CCDC102B: variants seen among roughly 807,000 people sequenced by gnomAD.
CCDC102B encodes the protein coiled-coil domain containing 102B.
Under a neutral mutation model 57.4 loss-of-function variants are expected in CCDC102B, and 75 were observed. The observed-to-expected ratio is 1.31, with a 90% CI of 1.08 to 1.58. The LOEUF (loss-of-function observed/expected upper bound fraction) is 1.58, where lower values mean the gene tolerates loss of function less well. CCDC102B is among the 40% of genes most tolerant of loss of function. The pLI, the probability that CCDC102B is intolerant of heterozygous loss-of-function variation, is 0.00. For missense variants in CCDC102B, 636 were observed against 582.6 expected (o/e 1.09, Z -0.94); for synonymous variants, 206 against 201.9 (o/e 1.02, Z -0.17).
intron 6 of CCDC102B, among the ~76,000 whole-genome samples, chr18:68,925,928 A>ACAC (rs1466331838): frequency 2.7e-4 from 41 of 152,024 alleles, no homozygotes; most frequent in Middle Eastern, 3.4e-3. Flanking sequence ...AAACAATAAA[A>ACAC]CAACCTCTTA....
chr18:68,944,225 G>C (rs1356870163), intron 6 of CCDC102B, among the ~76,000 whole-genome samples: 1 of 152,064 alleles, frequency 6.6e-6, no homozygotes, highest in East Asian at 1.9e-4. Flanking sequence ...CCAAGAGAAA[G>C]TCTTATTCCT....
chr18:68,949,513 A>C (rs2049634711), intron 6 of CCDC102B, among the ~76,000 whole-genome samples: 1 of 152,122 alleles, frequency 6.6e-6, no homozygotes, highest in Non-Finnish European at 1.5e-5. Context: ...ACATGGTATA[A>C]TGTATATTTC....
chr18:68,814,963 T>G (rs1026820499), intron 1 of CCDC102B, among the ~76,000 whole-genome samples: 2 of 152,100 alleles, frequency 1.3e-5, no homozygotes, highest in African/African-American at 4.8e-5. Context: ...TCCACTAGTA[T>G]TTGCCAGTAA....
At chr18:68,894,368 TTC>T (rs2040174371) in intron 5 of CCDC102B, among the ~76,000 whole-genome samples, 1 of 152,062 alleles carries the variant, frequency 6.6e-6, no homozygotes. Flanking sequence ...TTTCAGTAAT[TTC>T]TGCATTATCT....
At chr18:69,010,098 ATTTT>A (rs71717825) in intron 6 of CCDC102B, among the ~76,000 whole-genome samples, 2 of 54,948 alleles carry the variant, frequency 3.6e-5, no homozygotes, top group East Asian at 4.9e-4. Context: ...TGCCCGGCTA[ATTTT>A]TTTTTTTTTT....
At chr18:68,925,709 T>C (rs2041453528) in intron 6 of CCDC102B, among the ~76,000 whole-genome samples, 1 of 151,892 alleles carries the variant, frequency 6.6e-6, no homozygotes, top group Non-Finnish European at 1.5e-5. Context: ...TTTTTAAAAG[T>C]GGAAGATGTT....
rs867403070 is a variant in CCDC102B, at chr18:68,854,928, A to T, written c.936+8507A>T. Among the ~76,000 whole-genome samples, 4 of 152,214 alleles carry T rather than the reference A, an allele frequency of 2.6e-5. No homozygotes were observed. The South Asian group carries it at 8.3e-4, about 32-fold the overall frequency. The stretch of plus-strand genomic sequence containing the variant: ...CTTTGTGTTTGCATTGTTCACACGA[A>T]AAGACACAAAGTCCCTAAAAAGGAA... On this transcript the variant is annotated intron_variant, in intron 4 of 7. Coordinates refer to ENST00000360242, the MANE Select transcript of CCDC102B (RefSeq NM_024781.3).
intron 2 of CCDC102B, among the ~76,000 whole-genome samples, chr18:68,752,977 G>A (rs1319735993): frequency 6.6e-6 from 1 of 151,942 alleles, no homozygotes; most frequent in Non-Finnish European, 1.5e-5. Context: ...ACCCTAACGA[G>A]ACTAATTTAA....
intron 2 of CCDC102B, among the ~76,000 whole-genome samples, chr18:68,717,795 C>G (rs1037754208): frequency 2.6e-4 from 39 of 152,010 alleles, no homozygotes; most frequent in Admixed American, 2.5e-3. Flanking sequence ...ATATATATAC[C>G]TTGTATATTT....
intron 6 of CCDC102B, among the ~76,000 whole-genome samples, chr18:68,912,422 C>T (rs565013013): frequency 1.3e-5 from 2 of 152,308 alleles, no homozygotes; most frequent in Admixed American, 1.3e-4. Flanking sequence ...AAACCAGCAA[C>T]ATTAGCAAAT....
intron 2 of CCDC102B, among the ~76,000 whole-genome samples, chr18:68,788,242 C>T (rs1371721902): frequency 2.0e-5 from 3 of 152,114 alleles, no homozygotes; most frequent in Non-Finnish European, 4.4e-5. Context: ...GAGAGCTTTA[C>T]TTCCAAGTAT....
At position 68,910,912 on chromosome 18, in the gene CCDC102B, C is replaced by T. The variant is rs544195744; in HGVS notation, c.1263+13484C>T. On this transcript the variant is annotated intron_variant, in intron 6 of 7. Transcript: ENST00000360242. ...AAATTAGCCCTGGGAATGGCTGTTA[C>T]TAAAAAGGGGGAAAAAAAAAAAACA... 2.4e-3 allele frequency among the ~76,000 whole-genome samples: 133 copies of T among 55,872 alleles called. 1 individual carries two copies. The highest frequency in any genetic ancestry group is 7.4e-3 in the African/African-American group (111 of 14,998). The allele number at this position is 55,872 out of a possible 152,430, so 36.7% of individuals were successfully genotyped here.
chr18:69,006,416 T>C (rs867595506), intron 6 of CCDC102B, among the ~76,000 whole-genome samples: 5,057 of 140,686 alleles, frequency 0.036, 114 homozygotes, highest in Middle Eastern at 0.057. Flanking sequence ...TTTATTTATT[T>C]ATTTATTTAT....
chr18:68,755,427 A>C (rs1394879424), intron 2 of CCDC102B, among the ~76,000 whole-genome samples: 1 of 152,160 alleles, frequency 6.6e-6, no homozygotes, highest in Admixed American at 6.6e-5. Flanking sequence ...ATCTATGAAA[A>C]ATTCCATGCT....
At chr18:68,889,904 A>G (rs578240965) in intron 5 of CCDC102B, among the ~76,000 whole-genome samples, 48 of 152,188 alleles carry the variant, frequency 3.2e-4, no homozygotes, top group Non-Finnish European at 1.2e-4. Context: ...TGCATAAATC[A>G]ATGAGTGCTT....
At chr18:68,833,915 T>G (rs1453529085) in intron 1 of CCDC102B, among the ~76,000 whole-genome samples, 1 of 152,114 alleles carries the variant, frequency 6.6e-6, no homozygotes, top group Admixed American at 6.6e-5. Flanking sequence ...GTTAAAATAT[T>G]TTCCCACGTA....
chr18:68,765,382 G>GA (rs1478249163), intron 2 of CCDC102B, among the ~76,000 whole-genome samples: 32 of 125,254 alleles, frequency 2.6e-4, no homozygotes, highest in African/African-American at 9.3e-4. Flanking sequence ...AGAAAGAAAA[G>GA]AAAGAAAGAA....
At chr18:69,012,517 A>C (rs546410309) in intron 7 of CCDC102B, among the ~76,000 whole-genome samples, 1 of 152,192 alleles carries the variant, frequency 6.6e-6, no homozygotes, top group Non-Finnish European at 1.5e-5. Context: ...CCACATCATC[A>C]ATGTCAGGTT....
chr18:68,815,743 CTTT>C (rs1214568698), intron 1 of CCDC102B, among the ~76,000 whole-genome samples: 1 of 151,166 alleles, frequency 6.6e-6, no homozygotes, highest in African/African-American at 2.4e-5. Context: ...GCACAAACTT[CTTT>C]TTTTCATCTT....
Sources: gnomAD v4.1 joint callset for allele counts (sites outside exome capture counted in the v4.1 genomes callset) on GRCh38, gnomAD v4.1.1 for gene constraint, MANE v1.5 for transcripts, NCBI Gene and HGNC (gene_info 2026-07-23, HGNC 2026-07-21) for gene names.